The following SAMD5 variants were observed in gnomAD, a reference collection of about 807,000 sequenced individuals.
SAMD5 encodes the protein sterile alpha motif domain-containing protein 5.
Under a neutral mutation model 11.3 loss-of-function variants are expected in SAMD5, and 13 were observed. That is an observed-to-expected ratio of 1.15 (90% CI 0.75 to 1.83). SAMD5 has a LOEUF of 1.83. SAMD5 is among the 40% of genes most tolerant of loss of function. SAMD5 has a pLI of 0.00. For synonymous variants in SAMD5, 129 were observed against 111.3 expected (o/e 1.16, Z -1.00); for missense variants, 255 against 239.1 (o/e 1.07, Z -0.44).
At chr6:147,616,162 A>G (rs1789865672) in intron 1 of SAMD5, among the ~76,000 whole-genome samples, 1 of 131,732 alleles carries the variant, frequency 7.6e-6, no homozygotes, top group South Asian at 2.4e-4. Flanking sequence ...ATTCATATAT[A>G]TTTCATATAT....
At chr6:147,831,452 C>T in the SAMD5 span, among the ~76,000 whole-genome samples, 1 of 152,170 alleles carries the variant, frequency 6.6e-6, no homozygotes, top group Non-Finnish European at 1.5e-5. Context: ...TAACATCTCA[C>T]GGCTTAAGAT....
intron 1 of SAMD5, among the ~76,000 whole-genome samples, chr6:147,661,790 C>T (rs891258663): frequency 4.6e-5 from 7 of 152,110 alleles, no homozygotes; most frequent in Non-Finnish European, 7.4e-5. Flanking sequence ...CCACCATGCC[C>T]GGCTAATTTT....
At chr6:147,606,794 A>G (rs1789708555) in intron 1 of SAMD5, among the ~76,000 whole-genome samples, 1 of 152,092 alleles carries the variant, frequency 6.6e-6, no homozygotes, top group Non-Finnish European at 1.5e-5. Context: ...AAACTGAGAA[A>G]CAGTGAGATT....
the SAMD5 span, among the ~76,000 whole-genome samples, chr6:147,753,712 C>T: frequency 2.0e-5 from 3 of 152,010 alleles, no homozygotes; most frequent in African/African-American, 7.2e-5. Context: ...AGCCCCTCAC[C>T]ACCCTTCCCA....
chr6:147,855,191 T>C, the SAMD5 span, among the ~76,000 whole-genome samples: 3 of 152,258 alleles, frequency 2.0e-5, no homozygotes, highest in East Asian at 5.8e-4. Context: ...ATGGGCAAGA[T>C]TTTGGATTGA....
chr6:147,747,501 G>C, the SAMD5 span, among the ~76,000 whole-genome samples: 2 of 152,034 alleles, frequency 1.3e-5, no homozygotes, highest in Non-Finnish European at 2.9e-5. Context: ...TTGCCAAGCC[G>C]TGATTTTTTA....
At chr6:147,514,897 G>C (rs1327324707) in intron 1 of SAMD5, among the ~76,000 whole-genome samples, 2 of 152,154 alleles carry the variant, frequency 1.3e-5, no homozygotes, top group Non-Finnish European at 2.9e-5. Context: ...GGCCTATAAT[G>C]AAGGAATTTG....
At chr6:147,527,377 C>T (rs992891914) in intron 1 of SAMD5, among the ~76,000 whole-genome samples, 14 of 151,990 alleles carry the variant, frequency 9.2e-5, no homozygotes, top group African/African-American at 3.4e-4. Context: ...AGAGCAAGGG[C>T]GGAGGTGCCA....
At chr6:147,849,309 A>G in the SAMD5 span, among the ~76,000 whole-genome samples, 1 of 152,138 alleles carries the variant, frequency 6.6e-6, no homozygotes, top group Non-Finnish European at 1.5e-5. Flanking sequence ...TATCTTATAT[A>G]ATCAAAAAGA....
intron 1 of SAMD5, among the ~76,000 whole-genome samples, chr6:147,530,675 A>C (rs1292255052): frequency 6.6e-6 from 1 of 152,240 alleles, no homozygotes; most frequent in Non-Finnish European, 1.5e-5. Context: ...AGACAGGGGA[A>C]TTCCTGCAAA....
chr6:147,617,091 T>C (rs1789883947), intron 1 of SAMD5, among the ~76,000 whole-genome samples: 1 of 152,128 alleles, frequency 6.6e-6, no homozygotes, highest in Non-Finnish European at 1.5e-5. Context: ...TCTTCTCTTC[T>C]TGTGGATCTC....
chr6:147,909,262 G>A, the SAMD5 span, among the ~76,000 whole-genome samples: 1 of 152,160 alleles, frequency 6.6e-6, no homozygotes. Flanking sequence ...CTGTGAATGT[G>A]TTTATTTGAA....
intron 1 of SAMD5, among the ~76,000 whole-genome samples, chr6:147,650,359 G>A (rs1438926297): frequency 2.6e-5 from 4 of 152,108 alleles, no homozygotes; most frequent in Admixed American, 1.3e-4. Context: ...GGGGCAAGGG[G>A]CATTCTCCCT....
chr6:147,722,086 C>A (rs1252052434), intron 1 of SAMD5, among the ~76,000 whole-genome samples: 1 of 152,094 alleles, frequency 6.6e-6, no homozygotes. Flanking sequence ...CCTATTTTTA[C>A]AACATTGTGT....
chr6:147,733,764 G>A (rs905258100), intron 1 of SAMD5: 17 of 973,778 alleles, frequency 1.7e-5, no homozygotes, highest in Non-Finnish European at 2.1e-5. Flanking sequence ...GGCAGAAAAT[G>A]GGCACATATG....
intron 1 of SAMD5, among the ~76,000 whole-genome samples, chr6:147,558,063 C>A (rs1788886076): frequency 6.6e-6 from 1 of 152,166 alleles, no homozygotes; most frequent in South Asian, 2.1e-4. Flanking sequence ...GTTGCTGGAG[C>A]AGGCAGGTAA....
intron 1 of SAMD5, among the ~76,000 whole-genome samples, chr6:147,724,685 G>T (rs1791601203): frequency 6.6e-6 from 1 of 152,058 alleles, no homozygotes; most frequent in African/African-American, 2.4e-5. Flanking sequence ...TTGTCCTGCT[G>T]GTGTTTCTGG....
intron 1 of SAMD5, among the ~76,000 whole-genome samples, chr6:147,734,711 T>TAAAAAAAAAAAAAAAAAAAAAAA (rs61482319): frequency 7.7e-5 from 2 of 26,100 alleles, no homozygotes; most frequent in African/African-American, 1.9e-4. Context: ...AGACTCCATC[T>TAAAAAAAAAAAAAAAAAAAAAAA]AAAAAAAAAA....
At chr6:147,867,906 G>A in the SAMD5 span, among the ~76,000 whole-genome samples, 1 of 152,140 alleles carries the variant, frequency 6.6e-6, no homozygotes, top group Non-Finnish European at 1.5e-5. Flanking sequence ...TCCCTCTGGG[G>A]TGTTCTCATC....
Sources: gnomAD v4.1 joint callset for allele counts (sites outside exome capture counted in the v4.1 genomes callset) on GRCh38, gnomAD v4.1.1 for gene constraint, MANE v1.5 for transcripts, NCBI Gene and HGNC (gene_info 2026-07-23, HGNC 2026-07-21) for gene names.